The following SPSB4 variants were observed in gnomAD, a reference collection of about 807,000 sequenced individuals.
SPSB4 encodes SPRY domain-containing SOCS box protein 4.
A neutral mutation model predicts 20.9 loss-of-function variants in SPSB4; 21 were observed. The ratio of observed to expected loss-of-function variants is 1.01; its 90% confidence interval spans 0.71 to 1.45. SPSB4 has a LOEUF of 1.45. Ranked by LOEUF, SPSB4 falls within the 40% of genes most tolerant of loss-of-function variation. The probability of loss-of-function intolerance (pLI) is 0.00; values close to 1 mark genes in which losing one functional copy is unlikely to be tolerated. For synonymous variants in SPSB4, 207 were observed against 183.8 expected, an observed-to-expected ratio of 1.13 and a Z score of -1.02; for missense variants, 399 against 399.2, an observed-to-expected ratio of 1.00 and a Z score of 0.00.
At chr3:141,110,673 C>T (rs1156459847) in intron 2 of SPSB4, among the ~76,000 whole-genome samples, 1 of 152,208 alleles carries the variant, frequency 6.6e-6, no homozygotes, top group Non-Finnish European at 1.5e-5. Context: ...CTAATGGTGA[C>T]TAATGGAAAA....
intron 2 of SPSB4, among the ~76,000 whole-genome samples, chr3:141,088,696 T>A: frequency 6.6e-6 from 1 of 152,202 alleles, no homozygotes; most frequent in East Asian, 1.9e-4. Flanking sequence ...CTGAGGTCCA[T>A]CCTACATAGA....
chr3:141,072,106 G>A (rs1378448196), intron 2 of SPSB4, among the ~76,000 whole-genome samples: 1 of 152,172 alleles, frequency 6.6e-6, no homozygotes, highest in African/African-American at 2.4e-5. Flanking sequence ...TTATCAATCT[G>A]TCCTGACCCC....
chr3:141,088,722 A>G (rs1174686242), intron 2 of SPSB4, among the ~76,000 whole-genome samples: 1 of 152,188 alleles, frequency 6.6e-6, no homozygotes, highest in Non-Finnish European at 1.5e-5. Context: ...AGAGCATCCT[A>G]GTGAATGAGC....
At chr3:141,081,376 A>C (rs1451007355) in intron 2 of SPSB4, among the ~76,000 whole-genome samples, 2 of 152,156 alleles carry the variant, frequency 1.3e-5, no homozygotes, top group Non-Finnish European at 2.9e-5. Context: ...GAGGAGCCCC[A>C]GAGAGAGAGC....
chr3:141,065,361 T>A (rs948081086), intron 1 of SPSB4, among the ~76,000 whole-genome samples: 1 of 152,144 alleles, frequency 6.6e-6, no homozygotes, highest in South Asian at 2.1e-4. Flanking sequence ...CCTGGCTACA[T>A]TTTAGGAGGT....
chr3:141,071,772 G>T (rs1248543428), intron 2 of SPSB4, among the ~76,000 whole-genome samples: 1 of 152,218 alleles, frequency 6.6e-6, no homozygotes, highest in Non-Finnish European at 1.5e-5. Context: ...AACTGGCTGA[G>T]AGGGCTTTCC....
At chr3:141,056,595 C>T (rs1486677391) in intron 1 of SPSB4, among the ~76,000 whole-genome samples, 6 of 152,230 alleles carry the variant, frequency 3.9e-5, no homozygotes, top group South Asian at 2.1e-4. Context: ...CCAGTTATAC[C>T]AAGTGGAGAA....
chr3:141,081,023 G>A (rs1576522600), intron 2 of SPSB4, among the ~76,000 whole-genome samples: 1 of 152,170 alleles, frequency 6.6e-6, no homozygotes. Flanking sequence ...GCAAGGAGGG[G>A]ATTGGATAAG....
intron 2 of SPSB4, among the ~76,000 whole-genome samples, chr3:141,144,468 G>A (rs1464147414): frequency 2.0e-5 from 3 of 152,198 alleles, no homozygotes; most frequent in Admixed American, 6.5e-5. Flanking sequence ...TCTAAGAAAA[G>A]CCTCAAAGCC....
At chr3:141,116,436 C>G (rs1012472774) in intron 2 of SPSB4, among the ~76,000 whole-genome samples, 1 of 152,224 alleles carries the variant, frequency 6.6e-6, no homozygotes, top group Non-Finnish European at 1.5e-5. Context: ...GCCATGGGGC[C>G]CTTGGGACTC....
chr3:141,098,989 A>T (rs1048927825), intron 2 of SPSB4, among the ~76,000 whole-genome samples: 1 of 152,152 alleles, frequency 6.6e-6, no homozygotes, highest in East Asian at 1.9e-4. Context: ...ATGGGGCCAG[A>T]CATCCTTTTA....
At chr3:141,119,581 G>C (rs1404110491) in intron 2 of SPSB4, among the ~76,000 whole-genome samples, 5 of 152,162 alleles carry the variant, frequency 3.3e-5, no homozygotes, top group Non-Finnish European at 5.9e-5. Context: ...TTTTCAAAGG[G>C]AATGCTTCCA....
At chr3:141,131,803 A>ACATTTTGGTGAACATGTATATG (rs1939135314) in intron 2 of SPSB4, among the ~76,000 whole-genome samples, 1 of 152,202 alleles carries the variant, frequency 6.6e-6, no homozygotes, top group Admixed American at 6.5e-5. Flanking sequence ...TTGTGAATGA[A>ACATTTTGGTGAACATGTATATG]CATTTTGGTG....
intron 2 of SPSB4, among the ~76,000 whole-genome samples, chr3:141,118,254 G>A (rs1938911481): frequency 6.6e-6 from 1 of 152,198 alleles, no homozygotes; most frequent in African/African-American, 2.4e-5. Context: ...GTGATGATGA[G>A]CATTTTTTCA....
chr3:141,133,661 A>AT (rs1291316585), intron 2 of SPSB4, among the ~76,000 whole-genome samples: 1 of 152,124 alleles, frequency 6.6e-6, no homozygotes, highest in African/African-American at 2.4e-5. Flanking sequence ...GCCTATTTTT[A>AT]TACCAGTACC....
chr3:141,135,163 A>G lies in SPSB4; in HGVS notation c.695-11979A>G, dbSNP rs992594622. Among the ~76,000 whole-genome samples the G allele has an allele frequency of 2.6e-5, 4 of 151,940 alleles. No homozygotes were observed. The East Asian group carries it at 7.7e-4, about 29-fold the overall frequency. On this transcript the variant is annotated intron_variant, in intron 2 of 2. Coordinates refer to ENST00000310546, the MANE Select transcript of SPSB4 (RefSeq NM_080862.3). ...TTTTGTCTGTTTCTGAATTTTGTAT[A>G]AGTTGAGTAAAATATAATTGTTGTA...
chr3:141,146,281 A>G (rs1392114599), intron 2 of SPSB4, among the ~76,000 whole-genome samples: 1 of 152,202 alleles, frequency 6.6e-6, no homozygotes, highest in African/African-American at 2.4e-5. Flanking sequence ...AAATTTTTCC[A>G]GAACTAGGTG....
At chr3:141,141,733 G>A (rs1238548747) in intron 2 of SPSB4, among the ~76,000 whole-genome samples, 1 of 151,930 alleles carries the variant, frequency 6.6e-6, no homozygotes, top group Non-Finnish European at 1.5e-5. Context: ...ATTTGTTACT[G>A]GTCTGTTCGG....
intron 2 of SPSB4, among the ~76,000 whole-genome samples, chr3:141,101,683 C>T (rs1938614601): frequency 6.6e-6 from 1 of 152,224 alleles, no homozygotes; most frequent in South Asian, 2.1e-4. Context: ...TTATTATTAC[C>T]TGTGTAATAT....
Sources: gnomAD v4.1 joint callset for allele counts (sites outside exome capture counted in the v4.1 genomes callset) on GRCh38, gnomAD v4.1.1 for gene constraint, MANE v1.5 for transcripts, NCBI Gene and HGNC (gene_info 2026-07-23, HGNC 2026-07-21) for gene names.